The following SNX29 variants were observed in gnomAD, a reference collection of about 807,000 sequenced individuals.
SNX29 encodes sorting nexin-29.
Under a neutral mutation model 102.1 loss-of-function variants are expected in SNX29, and 78 were observed. That is an observed-to-expected ratio of 0.76 (90% CI 0.64 to 0.92). The LOEUF is 0.92. Among genes scored for constraint, SNX29 ranks in the 40% least tolerant of loss-of-function variants. The pLI is 0.00. For synonymous variants in SNX29, 580 were observed against 414.5 expected (o/e 1.40, Z -4.85); for missense variants, 1,280 against 1,061.7 (o/e 1.21, Z -2.86).
chr16:12,027,477 C>T, intron 4 of SNX29, 33 bp downstream of exon 4: 1 of 1,610,630 alleles, frequency 6.2e-7, no homozygotes, highest in Non-Finnish European at 8.5e-7. Flanking sequence ...CTTGGAGGAG[C>T]TTGTCTTCCT....
intron 20 of SNX29, among the ~76,000 whole-genome samples, chr16:12,551,782 A>G (rs937921348): frequency 3.3e-5 from 5 of 152,220 alleles, no homozygotes; most frequent in African/African-American, 1.2e-4. Flanking sequence ...GGCCCGCTTC[A>G]GAAGCACATG....
chr16:12,261,998 G>A (rs1417940489), intron 14 of SNX29, among the ~76,000 whole-genome samples: 2 of 142,438 alleles, frequency 1.4e-5, no homozygotes, highest in South Asian at 2.3e-4. Context: ...GCACGTCCCC[G>A]GCTGGAGTGA....
chr16:12,028,752 T>C (rs2057260703), intron 4 of SNX29, among the ~76,000 whole-genome samples: 1 of 151,982 alleles, frequency 6.6e-6, no homozygotes, highest in African/African-American at 2.4e-5. Context: ...ACCTGTGATT[T>C]TTTATTTTTT....
At chr16:12,504,602 G>C (rs2089289130) in intron 19 of SNX29, among the ~76,000 whole-genome samples, 1 of 152,202 alleles carries the variant, frequency 6.6e-6, no homozygotes, top group Non-Finnish European at 1.5e-5. Flanking sequence ...TTTACTTTCT[G>C]CAGTTTCAGT....
At chr16:12,515,188 A>G (rs2089810705) in intron 19 of SNX29, among the ~76,000 whole-genome samples, 1 of 152,074 alleles carries the variant, frequency 6.6e-6, no homozygotes. Context: ...CCTATGGAAG[A>G]CCTTGTGTAG....
chr16:12,154,977 A>G (rs767285700), intron 13 of SNX29, among the ~76,000 whole-genome samples: 5 of 152,222 alleles, frequency 3.3e-5, no homozygotes, highest in African/African-American at 2.4e-5. Context: ...AGAGGACACA[A>G]ACATTGAGAC....
At chr16:12,548,438 G>C (rs1278348769) in intron 20 of SNX29, among the ~76,000 whole-genome samples, 1 of 152,192 alleles carries the variant, frequency 6.6e-6, no homozygotes, top group Admixed American at 6.5e-5. Context: ...CCACATCCCT[G>C]TACCATGGCA....
intron 18 of SNX29, among the ~76,000 whole-genome samples, chr16:12,435,068 AT>A (rs1347354848): frequency 2.0e-5 from 3 of 152,032 alleles, no homozygotes; most frequent in Admixed American, 6.6e-5. Context: ...CAGTCTGTCC[AT>A]CCCCAGGCCC....
At chr16:12,111,369 C>G (rs1477675870) in intron 11 of SNX29, among the ~76,000 whole-genome samples, 1 of 152,228 alleles carries the variant, frequency 6.6e-6, no homozygotes, top group Non-Finnish European at 1.5e-5. Flanking sequence ...CCCTGCTGCC[C>G]TTTGCCTTCC....
At chr16:12,355,884 GAAAA>G (rs1183417631) in intron 15 of SNX29, among the ~76,000 whole-genome samples, 1 of 127,298 alleles carries the variant, frequency 7.9e-6, no homozygotes, top group Non-Finnish European at 1.7e-5. Context: ...AAAGAGAGAG[GAAAA>G]AAAAAGCCCA....
chr16:12,298,243 G>T (rs1250429082), intron 15 of SNX29, among the ~76,000 whole-genome samples: 8 of 152,178 alleles, frequency 5.3e-5, no homozygotes, highest in Non-Finnish European at 8.8e-5. Flanking sequence ...AATGCTCAGT[G>T]AATAACTGAG....
At chr16:12,440,706 T>G (rs1597387124) in intron 18 of SNX29, among the ~76,000 whole-genome samples, 3 of 152,278 alleles carry the variant, frequency 2.0e-5, no homozygotes, top group Admixed American at 2.0e-4. Flanking sequence ...ATTTTCTGTT[T>G]CTGTGTTAGT....
At chr16:12,540,531 G>C (rs188956356) in intron 20 of SNX29, among the ~76,000 whole-genome samples, 1 of 152,200 alleles carries the variant, frequency 6.6e-6, no homozygotes, top group African/African-American at 2.4e-5. Context: ...AATTTGTTTC[G>C]CGGCTTCCTG....
At chr16:12,387,683 G>A (rs968915945) in intron 16 of SNX29, among the ~76,000 whole-genome samples, 2 of 152,158 alleles carry the variant, frequency 1.3e-5, no homozygotes, top group Non-Finnish European at 2.9e-5. Context: ...TGAGGCTCAA[G>A]ATTTTCTGTT....
chr16:12,034,811 G>T (rs917136291), intron 4 of SNX29, among the ~76,000 whole-genome samples: 1 of 152,144 alleles, frequency 6.6e-6, no homozygotes, highest in East Asian at 1.9e-4. Context: ...TGGAGTTCGA[G>T]ACCAGCCTGG....
At position 12,561,828 on chromosome 16, in the gene SNX29, C is replaced by CA. The variant is rs199776763; in HGVS notation, c.2319-6678_2319-6677insA. 7.0e-3 allele frequency among the ~76,000 whole-genome samples: 1,067 copies of CA among 152,304 alleles called. 17 individuals carry two copies. The highest frequency in any genetic ancestry group is 0.024 in the African/African-American group (1,018 of 41,556). On this transcript the variant is annotated intron_variant, in intron 20 of 20. Transcript: ENST00000566228. ...GCTCATTACCGCAGCTTACATCCTT[C>CA]TCCCTGCAGGGGAGGGGAGGCAGTG...
chr16:12,267,918 C>T (rs920484597), intron 14 of SNX29, among the ~76,000 whole-genome samples: 3 of 152,208 alleles, frequency 2.0e-5, no homozygotes, highest in Non-Finnish European at 4.4e-5. Flanking sequence ...TCTCTGGTCT[C>T]ATTTCCTACC....
chr16:12,391,629 C>G lies in SNX29; in HGVS notation c.1900-6817C>G, dbSNP rs74011706. On this transcript the variant is annotated intron_variant, in intron 16 of 20. Coordinates refer to ENST00000566228, the MANE Select transcript of SNX29 (RefSeq NM_032167.5). ...TCCATCCATCTATGCGTGCATCCAT[C>G]CATCCATTCATTCATTCATCTGTCC... Among the ~76,000 whole-genome samples the G allele has an allele frequency of 4.9e-3, 746 of 152,286 alleles. 5 individuals are homozygous for G. Among genetic ancestry groups the G allele is most frequent in the African/African-American group, 0.017 (715 of 41,542 alleles).
chr16:12,380,956 T>C (rs1308698312), intron 16 of SNX29, among the ~76,000 whole-genome samples: 4 of 16,060 alleles, frequency 2.5e-4, no homozygotes, highest in African/African-American at 5.2e-4. Flanking sequence ...CATCCACCCA[T>C]CCATCAATTT....
Sources: gnomAD v4.1 joint callset for allele counts (sites outside exome capture counted in the v4.1 genomes callset) on GRCh38, gnomAD v4.1.1 for gene constraint, MANE v1.5 for transcripts, NCBI Gene and HGNC (gene_info 2026-07-23, HGNC 2026-07-21) for gene names.